The following EVA1A variants were observed in gnomAD, a reference collection of about 807,000 sequenced individuals.
EVA1A encodes the protein eva-1 homolog A, regulator of programmed cell death, also known as protein eva-1 homolog A.
Under a neutral mutation model 9.8 loss-of-function variants are expected in EVA1A, and 7 were observed. The ratio of observed to expected loss-of-function variants is 0.71; its 90% confidence interval spans 0.41 to 1.34. The LOEUF is 1.34. Ranked by LOEUF, EVA1A falls within the 40% of genes most tolerant of loss-of-function variation. The pLI is 0.01. For missense variants in EVA1A, 206 were observed against 205.9 expected, an observed-to-expected ratio of 1.00 and a Z score of 0.00; for synonymous variants, 90 against 85.6, an observed-to-expected ratio of 1.05 and a Z score of -0.28.
At chr2:75,504,460 CA>C (rs1674540233) in intron 3 of EVA1A, among the ~76,000 whole-genome samples, 1 of 152,172 alleles carries the variant, frequency 6.6e-6, no homozygotes, top group Non-Finnish European at 1.5e-5. Context: ...CATTCTGCCC[CA>C]CCCCATTGGA....
chr2:75,493,178 C>G lies in EVA1A; in HGVS notation c.*58G>C. On this transcript the variant is annotated 3_prime_UTR_variant, in exon 4 of 4. Transcript: ENST00000393913. ...GGTTCAGTTCCTTGTGCCCACTGTC[C>G]CTGCAGACGCTCTCCTTTCCAGGCG... 1 of 1,547,172 alleles carries G rather than the reference C, an allele frequency of 6.5e-7. No homozygotes were observed.
intron 3 of EVA1A, 149 bp downstream of exon 3, chr2:75,517,907 T>C (rs1675072290): frequency 1.1e-6 from 1 of 924,742 alleles, no homozygotes; most frequent in African/African-American, 1.6e-5. Flanking sequence ...CCTGGAGACC[T>C]TTCATCTCAA....
chr2:75,540,226 C>A (rs1319176915), intron 1 of EVA1A, among the ~76,000 whole-genome samples: 1 of 152,180 alleles, frequency 6.6e-6, no homozygotes, highest in Non-Finnish European at 1.5e-5. Context: ...GGATGCAGGG[C>A]TTGTAAGATA....
intron 1 of EVA1A, among the ~76,000 whole-genome samples, chr2:75,558,241 A>T (rs910760689): frequency 6.6e-6 from 1 of 152,242 alleles, no homozygotes; most frequent in African/African-American, 2.4e-5. Context: ...TTATTATTCC[A>T]TTAGTTAGTC....
chr2:75,534,188 A>G (rs76918795), intron 1 of EVA1A, among the ~76,000 whole-genome samples: 5 of 152,248 alleles, frequency 3.3e-5, no homozygotes, highest in African/African-American at 1.2e-4. Flanking sequence ...GCAGTGAGCT[A>G]TGATTGTGCC....
chr2:75,556,026 T>G (rs1261298096), intron 1 of EVA1A, among the ~76,000 whole-genome samples: 1 of 152,246 alleles, frequency 6.6e-6, no homozygotes, highest in East Asian at 1.9e-4. Flanking sequence ...CACATTCTGA[T>G]GATCTATTCA....
intron 3 of EVA1A, among the ~76,000 whole-genome samples, chr2:75,498,461 G>A (rs1243110491): frequency 1.3e-5 from 2 of 151,878 alleles, no homozygotes; most frequent in East Asian, 1.9e-4. Context: ...AAAACTGCAC[G>A]GGTACCCCCA....
intron 1 of EVA1A, among the ~76,000 whole-genome samples, chr2:75,527,537 T>A (rs968340213): frequency 6.6e-6 from 1 of 152,094 alleles, no homozygotes; most frequent in Admixed American, 6.5e-5. Context: ...CCCATCCCCA[T>A]CCAGCAGTAA....
chr2:75,503,549 C>T (rs1334693278), intron 3 of EVA1A, among the ~76,000 whole-genome samples: 1 of 152,192 alleles, frequency 6.6e-6, no homozygotes. Flanking sequence ...GCAGCAGCAG[C>T]CAGCCCAGAC....
chr2:75,524,877 T>A (rs1169768520), intron 1 of EVA1A, among the ~76,000 whole-genome samples: 1 of 152,138 alleles, frequency 6.6e-6, no homozygotes, highest in Non-Finnish European at 1.5e-5. Flanking sequence ...CTGATCTCCA[T>A]CTCTCTATAT....
At chr2:75,520,831 T>TA (rs202046295) in intron 2 of EVA1A, among the ~76,000 whole-genome samples, 4,576 of 149,034 alleles carry the variant, frequency 0.031, 90 homozygotes, top group Middle Eastern at 0.071. Flanking sequence ...GCAACAAAAG[T>TA]AAAAAAAAAG....
chr2:75,567,245 G>C (rs772961987), intron 1 of EVA1A, among the ~76,000 whole-genome samples: 13 of 152,116 alleles, frequency 8.5e-5, no homozygotes, highest in Non-Finnish European at 1.8e-4. Context: ...TTAATCTCAT[G>C]ACCTGTTTGA....
chr2:75,499,257 C>A (rs1333252053), intron 3 of EVA1A, among the ~76,000 whole-genome samples: 1 of 152,138 alleles, frequency 6.6e-6, no homozygotes, highest in African/African-American at 2.4e-5. Context: ...GAGCCAATCA[C>A]AACCTCACTG....
At chr2:75,501,267 A>G (rs1674407553) in intron 3 of EVA1A, among the ~76,000 whole-genome samples, 1 of 152,152 alleles carries the variant, frequency 6.6e-6, no homozygotes, top group Admixed American at 6.5e-5. Context: ...CTTCAATAAA[A>G]CTGAGTCTTT....
Position 75,494,608 on chromosome 2 carries a change from G to C in EVA1A, c.86-999C>G, listed in dbSNP as rs545785686. Reference sequence around the variant, plus strand: ...TGCCAACAGCCATGTGAATGAGCTTGGTTGTGAATCATCCCTCCATCTAGT... The same window carrying C: ...TGCCAACAGCCATGTGAATGAGCTTCGTTGTGAATCATCCCTCCATCTAGT... On this transcript the variant is annotated intron_variant, in intron 3 of 3. Coordinates refer to ENST00000393913, the MANE Select transcript of EVA1A (RefSeq NM_001135032.2). Among the ~76,000 whole-genome samples, 19 of 152,300 alleles carry C rather than the reference G, an allele frequency of 1.2e-4. No homozygotes were observed. The South Asian group carries it at 3.9e-3, about 32-fold the overall frequency.
At chr2:75,521,761 A>G (rs1375322317) in intron 2 of EVA1A, among the ~76,000 whole-genome samples, 2 of 152,240 alleles carry the variant, frequency 1.3e-5, no homozygotes, top group East Asian at 3.8e-4. Context: ...ATGGTTGCAC[A>G]ATAATGTAAA....
At chr2:75,542,804 G>C (rs1381958311) in intron 1 of EVA1A, 1 of 152,154 alleles carries the variant, frequency 6.6e-6, no homozygotes, top group Non-Finnish European at 1.5e-5. Context: ...CTTGGAGTTT[G>C]GCTGGTTTGT....
chr2:75,530,895 C>T (rs1415820794), intron 1 of EVA1A, among the ~76,000 whole-genome samples: 2 of 150,794 alleles, frequency 1.3e-5, no homozygotes, highest in Non-Finnish European at 3.0e-5. Flanking sequence ...ACTGGAAGTC[C>T]TAGCCAGAGC....
chr2:75,503,061 C>T (rs577957496), intron 3 of EVA1A, among the ~76,000 whole-genome samples: 1 of 152,252 alleles, frequency 6.6e-6, no homozygotes, highest in African/African-American at 2.4e-5. Context: ...AGAAAACATC[C>T]CCTTTTGTCT....
Sources: allele counts gnomAD v4.1 joint callset (sites outside exome capture counted in the v4.1 genomes callset), GRCh38; gene constraint gnomAD v4.1.1; transcripts MANE v1.5; gene names NCBI Gene and HGNC (gene_info 2026-07-23, HGNC 2026-07-21).